TMEM117: variants seen among roughly 807,000 people sequenced by gnomAD.
The protein encoded by TMEM117 is transmembrane protein 117.
TMEM117 carries 27 observed loss-of-function variants against 52.4 expected under a neutral mutation model. That is an observed-to-expected ratio of 0.51 (90% CI 0.38 to 0.71). TMEM117 has a LOEUF of 0.71. Among genes scored for constraint, TMEM117 ranks in the 30% least tolerant of loss-of-function variants. The pLI, the probability that TMEM117 is intolerant of heterozygous loss-of-function variation, is 0.00. For synonymous variants in TMEM117, 215 were observed against 206.3 expected (o/e 1.04, Z -0.36); for missense variants, 556 against 630.5 (o/e 0.88, Z 1.26).
Position 44,211,367 on chromosome 12 carries a change from T to C in TMEM117, c.588T>C (p.Asn196=), listed in dbSNP as rs150021305. Residue 196 remains asparagine, a synonymous_variant, in exon 5 of 8, where the codon AAT becomes AAC. Coordinates refer to ENST00000266534, the MANE Select transcript of TMEM117 (RefSeq NM_032256.3). ...KSARAFWKKG[N]VRITLFWTVL... ...CAAGAGCTTTCTGGAAGAAAGGAAA[T>C]GTTAGGATCACTTTATTCTGGTAGG... The C allele has an allele frequency of 1.7e-3, 2,677 of 1,611,014 alleles. 5 individuals carry two copies. The highest frequency in any genetic ancestry group is 3.3e-3 in the Admixed American group (198 of 59,642).
At chr12:44,300,557 T>G (rs955534609) in intron 6 of TMEM117, among the ~76,000 whole-genome samples, 4 of 152,214 alleles carry the variant, frequency 2.6e-5, no homozygotes, top group African/African-American at 4.8e-5. Flanking sequence ...AGCAGATTGG[T>G]TTTCTCATTT....
chr12:44,353,954 G>A (rs1014479920), intron 6 of TMEM117, among the ~76,000 whole-genome samples: 18 of 152,128 alleles, frequency 1.2e-4, no homozygotes, highest in Admixed American at 1.0e-3. Flanking sequence ...CTATTTGTTT[G>A]TATCCTCTTT....
chr12:44,104,626 C>G (rs1947921444), intron 3 of TMEM117, among the ~76,000 whole-genome samples: 2 of 151,916 alleles, frequency 1.3e-5, no homozygotes, highest in African/African-American at 4.8e-5. Context: ...TTTCTTCTCT[C>G]TGAAGAACAA....
chr12:44,004,030 A>G (rs1946156336), intron 3 of TMEM117, among the ~76,000 whole-genome samples: 1 of 152,178 alleles, frequency 6.6e-6, no homozygotes, highest in African/African-American at 2.4e-5. Context: ...TACTCAAATA[A>G]TGGTGGAGTA....
chr12:44,158,855 G>A (rs573991621), intron 4 of TMEM117, among the ~76,000 whole-genome samples: 20 of 152,290 alleles, frequency 1.3e-4, no homozygotes, highest in Non-Finnish European at 2.6e-4. Context: ...TGACCATGTT[G>A]TCAGTGGCCA....
intron 6 of TMEM117, among the ~76,000 whole-genome samples, chr12:44,334,821 C>A (rs1159432608): frequency 6.6e-6 from 1 of 151,902 alleles, no homozygotes. Context: ...GTATCTGATT[C>A]ATGATCTAAG....
intron 4 of TMEM117, among the ~76,000 whole-genome samples, chr12:44,152,480 T>C (rs1352972724): frequency 8.5e-6 from 1 of 117,744 alleles, no homozygotes; most frequent in Non-Finnish European, 1.6e-5. Flanking sequence ...TTATATCATA[T>C]ATAAATTTTT....
At chr12:44,195,329 G>A (rs1949404334) in intron 4 of TMEM117, among the ~76,000 whole-genome samples, 1 of 152,166 alleles carries the variant, frequency 6.6e-6, no homozygotes, top group African/African-American at 2.4e-5. Flanking sequence ...GCAAAGGAGA[G>A]CATCCCTGCA....
At chr12:44,169,415 AT>A (rs1341346961) in intron 4 of TMEM117, among the ~76,000 whole-genome samples, 2 of 152,002 alleles carry the variant, frequency 1.3e-5, no homozygotes, top group Non-Finnish European at 2.9e-5. Flanking sequence ...GTGTCTCTTC[AT>A]GGTTTTGATT....
intron 6 of TMEM117, among the ~76,000 whole-genome samples, chr12:44,307,566 C>T (rs1207488431): frequency 6.6e-6 from 1 of 152,222 alleles, no homozygotes; most frequent in Non-Finnish European, 1.5e-5. Flanking sequence ...TAAATGCCTA[C>T]TCTCCTCATG....
chr12:43,926,666 T>C (rs1378040519), intron 2 of TMEM117, among the ~76,000 whole-genome samples: 1 of 152,192 alleles, frequency 6.6e-6, no homozygotes, highest in African/African-American at 2.4e-5. Flanking sequence ...CTTGCACTAC[T>C]GAACAGAATA....
intron 4 of TMEM117, among the ~76,000 whole-genome samples, chr12:44,145,048 T>A (rs189495191): frequency 2.0e-5 from 3 of 152,090 alleles, no homozygotes; most frequent in Non-Finnish European, 4.4e-5. Flanking sequence ...TCCCAGCTAC[T>A]CGGGAGGCTG....
At chr12:44,228,951 G>A (rs1219546158) in intron 5 of TMEM117, among the ~76,000 whole-genome samples, 1 of 152,102 alleles carries the variant, frequency 6.6e-6, no homozygotes, top group Admixed American at 6.6e-5. Context: ...ATGGATTATA[G>A]GAAGGCAGTA....
intron 6 of TMEM117, among the ~76,000 whole-genome samples, chr12:44,335,385 A>T (rs892370828): frequency 6.6e-6 from 1 of 152,146 alleles, no homozygotes; most frequent in Non-Finnish European, 1.5e-5. Context: ...AATACTTTAT[A>T]TGAAAATAGT....
At chr12:44,341,697 G>C (rs1472195457) in intron 6 of TMEM117, among the ~76,000 whole-genome samples, 1 of 152,106 alleles carries the variant, frequency 6.6e-6, no homozygotes, top group Admixed American at 6.6e-5. Context: ...GGGAGAATTT[G>C]CAGTCACATC....
At chr12:43,862,051 GCTAT>G (rs1943498887) in intron 2 of TMEM117, among the ~76,000 whole-genome samples, 1 of 152,178 alleles carries the variant, frequency 6.6e-6, no homozygotes, top group African/African-American at 2.4e-5. Flanking sequence ...CTCTTCCTTG[GCTAT>G]CAGCAGTTTT....
At chr12:44,228,778 A>C (rs1949896704) in intron 5 of TMEM117, among the ~76,000 whole-genome samples, 1 of 152,168 alleles carries the variant, frequency 6.6e-6, no homozygotes, top group South Asian at 2.1e-4. Context: ...CATATCCTAT[A>C]GGAAGTGAAA....
At chr12:44,049,526 C>G (rs1288631996) in intron 3 of TMEM117, among the ~76,000 whole-genome samples, 1 of 150,500 alleles carries the variant, frequency 6.6e-6, no homozygotes, top group African/African-American at 2.5e-5. Flanking sequence ...CATGTGTATC[C>G]CAGAACTTCA....
chr12:44,130,349 T>C (rs973156394), intron 3 of TMEM117, among the ~76,000 whole-genome samples: 1 of 152,226 alleles, frequency 6.6e-6, no homozygotes, highest in African/African-American at 2.4e-5. Context: ...GCCCTCTGGC[T>C]GTCCTAGTGA....
Sources: gnomAD v4.1 joint callset for allele counts (sites outside exome capture counted in the v4.1 genomes callset) on GRCh38, gnomAD v4.1.1 for gene constraint, MANE v1.5 for transcripts, NCBI Gene and HGNC (gene_info 2026-07-23, HGNC 2026-07-21) for gene names.